CTNNA3: variants seen among roughly 807,000 people sequenced by gnomAD.
The protein encoded by CTNNA3 is catenin alpha-3.
CTNNA3 carries 76 observed loss-of-function variants against 95.7 expected under a neutral mutation model. The observed-to-expected ratio is 0.79, with a 90% CI of 0.66 to 0.96. The LOEUF (loss-of-function observed/expected upper bound fraction) is 0.96, where lower values mean the gene tolerates loss of function less well. Ranked by LOEUF, CTNNA3 falls within the 40% of genes least tolerant of loss-of-function variation. CTNNA3 has a pLI of 0.00. For synonymous variants in CTNNA3, 431 were observed against 374.4 expected, an observed-to-expected ratio of 1.15 and a Z score of -1.74; for missense variants, 1,191 against 1,089.8, an observed-to-expected ratio of 1.09 and a Z score of -1.31.
intron 5 of CTNNA3, among the ~76,000 whole-genome samples, chr10:67,407,727 AC>A (rs1212116710): frequency 6.6e-6 from 1 of 152,236 alleles, no homozygotes; most frequent in Non-Finnish European, 1.5e-5. Context: ...GTCTTAGGAT[AC>A]AAAAATCAAT....
At chr10:67,625,609 A>C (rs1435808484) in intron 2 of CTNNA3, among the ~76,000 whole-genome samples, 2 of 152,232 alleles carry the variant, frequency 1.3e-5, no homozygotes, top group Non-Finnish European at 2.9e-5. Context: ...CAGCTATCTT[A>C]TTCGTACCTA....
Position 66,857,389 on chromosome 10 carries a change from ATT to A in CTNNA3, c.1048-81867_1048-81866del, listed in dbSNP as rs35884945. Reference sequence around the variant, plus strand: ...AGTACTGCCTTGGCTATTTGGACTAATTTTTTTTTTTTGTTCCACATGAACTT... The same window carrying A: ...AGTACTGCCTTGGCTATTTGGACTAATTTTTTTTTTGTTCCACATGAACTT... On this transcript the variant is annotated intron_variant, in intron 7 of 17. Coordinates refer to ENST00000433211, the MANE Select transcript of CTNNA3 (RefSeq NM_013266.4). 2.1e-4 allele frequency among the ~76,000 whole-genome samples: 30 copies of A among 144,098 alleles called. No individual in the cohort carries two copies. In the South Asian group the frequency reaches 2.2e-3, roughly 10 times the overall value. The allele number at this position is 144,098 out of a possible 152,430, so 94.5% of individuals were successfully genotyped here.
At chr10:67,402,114 T>A (rs763412683) in intron 5 of CTNNA3, among the ~76,000 whole-genome samples, 4 of 152,144 alleles carry the variant, frequency 2.6e-5, no homozygotes, top group African/African-American at 4.8e-5. Flanking sequence ...ATGACAGACA[T>A]AGAATTCAAA....
chr10:66,328,933 T>TATATATATATATATATACACAC (rs59003281), intron 12 of CTNNA3, among the ~76,000 whole-genome samples: 6 of 115,402 alleles, frequency 5.2e-5, no homozygotes, highest in African/African-American at 9.2e-5. Flanking sequence ...TATATATATA[T>TATATATATATATATATACACAC]ACACACACAC....
chr10:67,671,096 T>C (rs1840423376), intron 1 of CTNNA3, among the ~76,000 whole-genome samples: 1 of 152,176 alleles, frequency 6.6e-6, no homozygotes, highest in South Asian at 2.1e-4. Context: ...TTCTCTGCTA[T>C]GGAGGCAGGA....
intron 4 of CTNNA3, among the ~76,000 whole-genome samples, chr10:67,524,395 CAAAAAAAAAAAA>C (rs200850487): frequency 0.19 from 13,717 of 70,838 alleles, 819 homozygotes; most frequent in African/African-American, 0.2. Flanking sequence ...GACTCTGTCT[CAAAAAAAAAAAA>C]AAAAAAAAAA....
chr10:66,781,256 T>C (rs1374666567), intron 7 of CTNNA3, among the ~76,000 whole-genome samples: 1 of 152,196 alleles, frequency 6.6e-6, no homozygotes, highest in African/African-American at 2.4e-5. Flanking sequence ...GTTTTGTAAG[T>C]GTGTGCCATT....
intron 1 of CTNNA3, among the ~76,000 whole-genome samples, chr10:67,690,130 G>A (rs957740992): frequency 6.6e-6 from 1 of 152,128 alleles, no homozygotes; most frequent in Non-Finnish European, 1.5e-5. Context: ...CTTCCGGTGG[G>A]TTCGTGGTCT....
chr10:67,133,082 C>G (rs1309654392), intron 7 of CTNNA3, among the ~76,000 whole-genome samples: 1 of 151,322 alleles, frequency 6.6e-6, no homozygotes, highest in East Asian at 1.9e-4. Context: ...TGAAATGATA[C>G]CAACACATAA....
intron 16 of CTNNA3, among the ~76,000 whole-genome samples, chr10:65,973,068 A>G (rs557111570): frequency 6.6e-6 from 1 of 152,242 alleles, no homozygotes; most frequent in South Asian, 2.1e-4. Context: ...AACTAAAACC[A>G]TCTGATCTTT....
rs536969759 is a variant in CTNNA3 at position 66,516,707 on chromosome 10, G to A, written c.1531+3910C>T. On this transcript the variant is annotated intron_variant, in intron 11 of 17. Coordinates refer to ENST00000433211, the MANE Select transcript of CTNNA3 (RefSeq NM_013266.4). Reference sequence around the variant, plus strand: ...CTTGGAAATCTAATTTTCTTTTGCCGGTAATTGGCTCAAGATTGAGAGAGG... The same window carrying A: ...CTTGGAAATCTAATTTTCTTTTGCCAGTAATTGGCTCAAGATTGAGAGAGG... Among the ~76,000 whole-genome samples the A allele has an allele frequency of 8.7e-4, 132 of 152,224 alleles. 1 individual carries two copies. The South Asian group carries it at 0.024, about 28-fold the overall frequency.
chr10:66,864,572 T>C (rs546134458), intron 7 of CTNNA3, among the ~76,000 whole-genome samples: 3 of 152,304 alleles, frequency 2.0e-5, no homozygotes, highest in Admixed American at 6.5e-5. Context: ...AAGAAATTAT[T>C]CTGATAATTA....
chr10:67,624,401 C>A (rs1843956523), intron 2 of CTNNA3, among the ~76,000 whole-genome samples: 1 of 152,128 alleles, frequency 6.6e-6, no homozygotes, highest in Non-Finnish European at 1.5e-5. Context: ...CACTGAATTT[C>A]CCCTAAAAAT....
intron 11 of CTNNA3, among the ~76,000 whole-genome samples, chr10:66,455,310 A>G (rs76419515): frequency 1.3e-5 from 2 of 152,168 alleles, no homozygotes; most frequent in African/African-American, 4.8e-5. Context: ...AAATGAAGAA[A>G]TATAACTGTC....
At chr10:67,330,425 G>A (rs1841731920) in intron 5 of CTNNA3, among the ~76,000 whole-genome samples, 1 of 152,202 alleles carries the variant, frequency 6.6e-6, no homozygotes, top group Non-Finnish European at 1.5e-5. Context: ...ACTCCTAGGA[G>A]CTGTAAAGAT....
chr10:67,261,515 T>C (rs1866605221), intron 5 of CTNNA3, among the ~76,000 whole-genome samples: 2 of 152,154 alleles, frequency 1.3e-5, no homozygotes, highest in South Asian at 4.1e-4. Flanking sequence ...GAAAACTGAT[T>C]ATATAATGCA....
chr10:66,364,156 G>T (rs1024003881), intron 12 of CTNNA3, among the ~76,000 whole-genome samples: 3 of 150,668 alleles, frequency 2.0e-5, no homozygotes, highest in African/African-American at 4.9e-5. Flanking sequence ...CTGACAAATT[G>T]TTCTTGTTAT....
chr10:66,925,625 A>T (rs1847025085), intron 7 of CTNNA3, among the ~76,000 whole-genome samples: 1 of 152,210 alleles, frequency 6.6e-6, no homozygotes, highest in East Asian at 1.9e-4. Flanking sequence ...TGACTCCAAG[A>T]GGTCAAATGG....
At chr10:66,450,923 C>T (rs190072284) in intron 11 of CTNNA3, among the ~76,000 whole-genome samples, 13 of 152,090 alleles carry the variant, frequency 8.5e-5, no homozygotes, top group Admixed American at 4.6e-4. Context: ...AACATTTTTC[C>T]GGTTTTAGCA....
Sources: gnomAD v4.1 joint callset for allele counts (sites outside exome capture counted in the v4.1 genomes callset) on GRCh38, gnomAD v4.1.1 for gene constraint, MANE v1.5 for transcripts, NCBI Gene and HGNC (gene_info 2026-07-23, HGNC 2026-07-21) for gene names.